GABRG3: variants seen among roughly 807,000 people sequenced by gnomAD.
GABRG3 encodes the protein gamma-aminobutyric acid receptor subunit gamma-3.
In GABRG3, 25 loss-of-function variants were observed where a neutral mutation model predicts 48.8. The observed-to-expected ratio is 0.51, with a 90% CI of 0.37 to 0.72. The LOEUF (loss-of-function observed/expected upper bound fraction) is 0.72, where lower values mean the gene tolerates loss of function less well. Ranked by LOEUF, GABRG3 falls within the 30% of genes least tolerant of loss-of-function variation. The probability of loss-of-function intolerance (pLI) is 0.00; values close to 1 mark genes in which losing one functional copy is unlikely to be tolerated. For synonymous variants in GABRG3, 227 were observed against 217.6 expected (o/e 1.04, Z -0.38); for missense variants, 394 against 577.9 (o/e 0.68, Z 3.26).
chr15:27,007,574 A>G (rs1025165284), intron 2 of GABRG3, among the ~76,000 whole-genome samples: 1 of 152,172 alleles, frequency 6.6e-6, no homozygotes, highest in Admixed American at 6.5e-5. Context: ...CCTCACCAGC[A>G]TCTGTTATTT....
rs1372740903 is a variant in GABRG3 at position 26,999,438 on chromosome 15, G to GCATTGTTTCTGGCATGGAA, written c.202+22299_202+22300insGCATGGAACATTGTTTCTG. Among the ~76,000 whole-genome samples the GCATTGTTTCTGGCATGGAA allele has an allele frequency of 1.2e-4, 18 of 152,190 alleles. No individual in the cohort carries two copies. In the South Asian group the frequency reaches 3.7e-3, roughly 32 times the overall value. Reference sequence around the variant, plus strand: ...CATTGAAATCCACTGTATTTCACCTGCATTGTTTCTGATGAAGAATCTGCG... The same window carrying GCATTGTTTCTGGCATGGAA: ...CATTGAAATCCACTGTATTTCACCTGCATTGTTTCTGGCATGGAACATTGTTTCTGATGAAGAATCTGCG... On this transcript the variant is annotated intron_variant, in intron 2 of 9. Transcript: ENST00000615808.
intron 3 of GABRG3, among the ~76,000 whole-genome samples, chr15:27,073,327 G>A (rs1169843984): frequency 6.6e-6 from 1 of 152,186 alleles, no homozygotes; most frequent in Non-Finnish European, 1.5e-5. Context: ...CTTGTCCATG[G>A]TCCTCCAGGA....
Position 26,976,677 on chromosome 15 carries a change from G to A in GABRG3, c.54-325G>A, listed in dbSNP as rs1894953628. Among the ~76,000 whole-genome samples, 1 of 152,108 alleles carries A rather than the reference G, an allele frequency of 6.6e-6. No homozygotes were observed. On this transcript the variant is annotated intron_variant, in intron 1 of 9. Transcript: ENST00000615808. This position sits in a 1 kb window ranked among gnomAD's most constrained non-coding sequence, Gnocchi z 7.8. ...TTGACCTTCACAGGCTATCGGGGTG[G>A]ATCCAAGGGTGTGTTGCCTGCTGGT...
intron 3 of GABRG3, among the ~76,000 whole-genome samples, chr15:27,140,273 GAGGGCTGACGCTA>G (rs1198828041): frequency 6.6e-6 from 1 of 152,128 alleles, no homozygotes; most frequent in Non-Finnish European, 1.5e-5. Context: ...CTCAACCCGT[GAGGGCTGACGCTA>G]TCTCCAGGTG....
intron 3 of GABRG3, among the ~76,000 whole-genome samples, chr15:27,086,502 T>G (rs915299008): frequency 4.6e-5 from 7 of 152,272 alleles, no homozygotes; most frequent in African/African-American, 1.2e-4. Flanking sequence ...AAGAATAATA[T>G]GTATGACAGC....
intron 5 of GABRG3, among the ~76,000 whole-genome samples, chr15:27,404,114 G>T (rs1287281537): frequency 6.6e-6 from 1 of 151,434 alleles, no homozygotes; most frequent in African/African-American, 2.4e-5. Context: ...CCAGCTACTT[G>T]GGAGGCTGAG....
At chr15:27,035,011 T>C (rs765142302) in intron 3 of GABRG3, among the ~76,000 whole-genome samples, 52 of 152,208 alleles carry the variant, frequency 3.4e-4, no homozygotes, top group Admixed American at 8.5e-4. Flanking sequence ...TGTCAGCACC[T>C]GAACTCACAG....
rs572432321 is a variant in GABRG3, at chr15:27,053,850, A to T, written c.270+27029A>T. On this transcript the variant is annotated intron_variant, in intron 3 of 9. Transcript: ENST00000615808. ...CATGGATGGGAAGGTGGAGGCCGTG[A>T]TCCTAAGTGAATTAATGCAGAAACA... is the stretch of plus-strand genomic sequence containing the variant. Among the ~76,000 whole-genome samples, 206 of 152,370 alleles carry T rather than the reference A, an allele frequency of 1.4e-3. 2 individuals are homozygous for T. Among genetic ancestry groups the T allele is most frequent in the African/African-American group, 4.7e-3 (195 of 41,594 alleles).
chr15:27,431,285 A>G (rs908174070), intron 5 of GABRG3, among the ~76,000 whole-genome samples: 3 of 152,116 alleles, frequency 2.0e-5, no homozygotes, highest in African/African-American at 7.2e-5. Context: ...TGCCATCTGG[A>G]AGTTTTAAAA....
At chr15:27,132,225 G>A (rs569412006) in intron 3 of GABRG3, among the ~76,000 whole-genome samples, 4 of 151,944 alleles carry the variant, frequency 2.6e-5, no homozygotes, top group East Asian at 1.9e-4. Flanking sequence ...ATGTCATGTA[G>A]CATTTCCCCT....
At position 26,976,881 on chromosome 15, in the gene GABRG3, G is replaced by C. The variant is rs1894959115; in HGVS notation, c.54-121G>C. The stretch of plus-strand genomic sequence containing the variant: ...ATATTTTCGGGTTTTCACGTGTGTG[G>C]TTGGGCTGTGGGTACTGGGGACTTT... On this transcript the variant is annotated intron_variant, in intron 1 of 9. Transcript: ENST00000615808. The surrounding 1 kb of genome is among the most constrained non-coding windows in gnomAD (Gnocchi z 7.8). 8 of 896,116 alleles carry C rather than the reference G, an allele frequency of 8.9e-6. No homozygotes were observed. In the East Asian group the frequency reaches 2.0e-4, roughly 22 times the overall value. The allele number at this position is 896,116 out of a possible 1,614,324, so 55.5% of individuals were successfully genotyped here. A position where few individuals can be genotyped will look rare whatever the true frequency, so the allele number is the denominator to read the frequency against.
At chr15:27,229,003 A>G (rs1889711473) in intron 3 of GABRG3, among the ~76,000 whole-genome samples, 1 of 152,122 alleles carries the variant, frequency 6.6e-6, no homozygotes. Context: ...ATTTTATTCT[A>G]TTCTGTAGGT....
At chr15:27,100,652 G>A (rs1276769224) in intron 3 of GABRG3, among the ~76,000 whole-genome samples, 1 of 152,114 alleles carries the variant, frequency 6.6e-6, no homozygotes, top group Non-Finnish European at 1.5e-5. Flanking sequence ...TTTCTTTCAG[G>A]TATAGAAGGT....
At chr15:27,258,513 T>C (rs142850211) in intron 3 of GABRG3, among the ~76,000 whole-genome samples, 1 of 152,228 alleles carries the variant, frequency 6.6e-6, no homozygotes, top group Non-Finnish European at 1.5e-5. Context: ...CTCCTGGCCT[T>C]CTCGGGTTAC....
chr15:27,080,130 T>C (rs947814378), intron 3 of GABRG3, among the ~76,000 whole-genome samples: 2 of 152,108 alleles, frequency 1.3e-5, no homozygotes, highest in African/African-American at 4.8e-5. Flanking sequence ...AAACCATTTC[T>C]GTAGCAAGGG....
intron 3 of GABRG3, among the ~76,000 whole-genome samples, chr15:27,122,413 G>A (rs1396345761): frequency 6.6e-6 from 1 of 152,216 alleles, no homozygotes; most frequent in African/African-American, 2.4e-5. Flanking sequence ...TGAAGAAAGT[G>A]AAGCAAAGAA....
At chr15:27,162,029 A>G (rs1294659241) in intron 3 of GABRG3, among the ~76,000 whole-genome samples, 1 of 152,082 alleles carries the variant, frequency 6.6e-6, no homozygotes, top group African/African-American at 2.4e-5. Context: ...AATTTTATTT[A>G]TAAAAGTGAA....
intron 3 of GABRG3, among the ~76,000 whole-genome samples, chr15:27,096,386 G>T (rs1239662224): frequency 6.6e-6 from 1 of 152,174 alleles, no homozygotes; most frequent in East Asian, 1.9e-4. Context: ...GTATTTTGCA[G>T]ATCAGAAAAA....
chr15:27,095,529 G>A (rs913438577), intron 3 of GABRG3, among the ~76,000 whole-genome samples: 4 of 151,964 alleles, frequency 2.6e-5, no homozygotes, highest in Admixed American at 1.3e-4. Flanking sequence ...CTTCTTCCTC[G>A]TGGCGTTACA....
Sources: allele counts gnomAD v4.1 joint callset (sites outside exome capture counted in the v4.1 genomes callset), GRCh38; gene constraint gnomAD v4.1.1; non-coding constraint Gnocchi (gnomAD v3.1); transcripts MANE v1.5; gene names NCBI Gene and HGNC (gene_info 2026-07-23, HGNC 2026-07-21).